Variants in SBK1 observed in about 807,000 individuals in gnomAD.
SBK1 encodes the protein SH3 domain binding kinase 1, also known as serine/threonine-protein kinase SBK1.
SBK1 carries 11 observed loss-of-function variants against 24.4 expected under a neutral mutation model. The observed-to-expected ratio is 0.45, with a 90% CI of 0.28 to 0.75. The LOEUF is 0.75. Ranked by LOEUF, SBK1 falls within the 30% of genes least tolerant of loss-of-function variation. The pLI is 0.12. For missense variants in SBK1, 467 were observed against 620.5 expected, an observed-to-expected ratio of 0.75 and a Z score of 2.63; for synonymous variants, 308 against 284.4, an observed-to-expected ratio of 1.08 and a Z score of -0.83.
chr16:28,259,426 G>T lies in SBK1; in HGVS notation c.181G>T (p.Asp61Tyr). The stretch of plus-strand genomic sequence containing the variant: ...CTGGCCCATGGGCTGCGGAGTCGAT[G>T]ATGTGCCGGCCTTCTGCTTCGTCTG... The change falls in exon 1 of 4, where the codon GAT (aspartate) becomes TAT (tyrosine). Residue 61 changes from aspartate to tyrosine, a missense_variant. Coordinates refer to the SBK1 transcript ENST00000671413. The surrounding 1 kb of genome is among the most constrained non-coding windows in gnomAD (Gnocchi z 6.0). The T allele has an allele frequency of 1.0e-6, 1 of 986,060 alleles. No homozygotes were observed. The highest frequency in any genetic ancestry group is 1.2e-6 in the Non-Finnish European group (1 of 830,408). 61.1% of individuals were successfully genotyped at this position (986,060 alleles called of 1,614,324 possible). A position where few individuals can be genotyped will look rare whatever the true frequency, so the allele number is the denominator to read the frequency against.
At position 28,317,764 on chromosome 16, in the gene SBK1, G is replaced by A; in HGVS notation, c.226+147G>A. ...GGCAGGGTCAGGGGCCAGATGTAGA[G>A]GATGAGGCCTGAGGCAGCCCAGGGG... is the stretch of plus-strand genomic sequence containing the variant. On this transcript the variant is annotated intron_variant, in intron 2 of 3. Transcript: ENST00000341901. The surrounding 1 kb of genome is among the most constrained non-coding windows in gnomAD (Gnocchi z 4.2). 3.0e-6 allele frequency: 2 copies of A among 663,796 alleles called. No individual in the cohort carries two copies. The highest frequency in any genetic ancestry group is 5.4e-6 in the Non-Finnish European group (2 of 367,724). 41.1% of individuals were successfully genotyped at this position (663,796 alleles called of 1,614,324 possible).
chr16:28,308,771 GTGTGTGTGTT>G (rs1567678518), intron 1 of SBK1, among the ~76,000 whole-genome samples: 1 of 149,728 alleles, frequency 6.7e-6, no homozygotes, highest in Admixed American at 6.7e-5. Flanking sequence ...GTGTGTGTGT[GTGTGTGTGTT>G]TGTTTTGTTT....
rs1339198447 is a variant in SBK1 at position 28,293,102 on chromosome 16, C to A, written c.-206C>A. The A allele has an allele frequency of 1.0e-6, 1 of 985,748 alleles. No homozygotes were observed. The highest frequency in any genetic ancestry group is 1.2e-6 in the Non-Finnish European group (1 of 830,104). 61.1% of individuals were successfully genotyped at this position (985,748 alleles called of 1,614,324 possible). Reference sequence around the variant, plus strand: ...AATCCCAAATCTAGGCAGCCGGGGACAGCAAGAGACACTCTCACCAGCAAG... The same window carrying A: ...AATCCCAAATCTAGGCAGCCGGGGAAAGCAAGAGACACTCTCACCAGCAAG... On this transcript the variant is annotated 5_prime_UTR_variant, in exon 1 of 4. Coordinates refer to ENST00000341901, the MANE Select transcript of SBK1 (RefSeq NM_001024401.3).
At chr16:28,265,591 A>G (rs2044423268) in intron 1 of SBK1, among the ~76,000 whole-genome samples, 1 of 152,118 alleles carries the variant, frequency 6.6e-6, no homozygotes, top group Non-Finnish European at 1.5e-5. Context: ...TAAAAAATAT[A>G]AAAATTAAAA....
intron 1 of SBK1, among the ~76,000 whole-genome samples, chr16:28,304,836 C>G (rs935813372): frequency 3.9e-5 from 6 of 152,044 alleles, no homozygotes; most frequent in Non-Finnish European, 5.9e-5. Context: ...TCTCGATCTC[C>G]TGACCTCGTG....
rs566370562 is a variant in SBK1, at chr16:28,320,645, C to A, written c.999C>A (p.Pro333=). The A allele has an allele frequency of 1.8e-5, 21 of 1,160,360 alleles. No individual in the cohort carries two copies. The highest frequency in any genetic ancestry group is 2.2e-5 in the Non-Finnish European group (21 of 942,168). 71.9% of individuals were successfully genotyped at this position (1,160,360 alleles called of 1,614,324 possible). ...RRPSHRARKP[P]GDRPPAAGPL... is the part of the protein sequence containing the mutation. ...CCTCGCACCGCGCGCGCAAGCCCCC[C>A]GGGGACCGCCCGCCCGCCGCCGGGC... Residue 333 remains proline (P), a synonymous_variant, in exon 4 of 4, where the codon CCC becomes CCA. Coordinates refer to ENST00000341901, the MANE Select transcript of SBK1 (RefSeq NM_001024401.3). The surrounding 1 kb of genome is among the most constrained non-coding windows in gnomAD (Gnocchi z 8.5).
At chr16:28,301,464 C>T (rs889257010) in intron 1 of SBK1, among the ~76,000 whole-genome samples, 7 of 152,208 alleles carry the variant, frequency 4.6e-5, no homozygotes, top group Non-Finnish European at 7.4e-5. Context: ...TTCACAGCCC[C>T]GGGAACCCCA....
At chr16:28,281,276 G>C (rs1027062855) in intron 1 of SBK1, among the ~76,000 whole-genome samples, 2 of 152,152 alleles carry the variant, frequency 1.3e-5, no homozygotes, top group Admixed American at 1.3e-4. Context: ...TGCAGGCCCA[G>C]CTCCTCCCAG....
At chr16:28,311,199 CT>C (rs1241289469) in intron 1 of SBK1, among the ~76,000 whole-genome samples, 1 of 152,106 alleles carries the variant, frequency 6.6e-6, no homozygotes, top group Non-Finnish European at 1.5e-5. Flanking sequence ...CTGGGGAGCT[CT>C]TGGTTTGTTG....
At chr16:28,266,746 TTTA>T (rs1222613792) in intron 1 of SBK1, among the ~76,000 whole-genome samples, 5 of 146,900 alleles carry the variant, frequency 3.4e-5, no homozygotes, top group African/African-American at 1.3e-4. Context: ...TTTTTTTTTT[TTTA>T]AAAAAAAAAC....
At chr16:28,260,443 C>CT (rs1437284945) in intron 1 of SBK1, among the ~76,000 whole-genome samples, 1 of 152,240 alleles carries the variant, frequency 6.6e-6, no homozygotes, top group African/African-American at 2.4e-5. Context: ...GCCTCCATCA[C>CT]TGTCTGAGTC....
At chr16:28,262,098 G>C (rs2044401352) in intron 1 of SBK1, among the ~76,000 whole-genome samples, 1 of 152,224 alleles carries the variant, frequency 6.6e-6, no homozygotes, top group African/African-American at 2.4e-5. Flanking sequence ...CAGGCTGCAG[G>C]AGCCAGTGCT....
chr16:28,304,476 G>C (rs2044701729), intron 1 of SBK1, among the ~76,000 whole-genome samples: 1 of 152,092 alleles, frequency 6.6e-6, no homozygotes, highest in South Asian at 2.1e-4. Flanking sequence ...AGTGACTTTG[G>C]GCAAGTTGCT....
At chr16:28,260,772 A>G (rs928035465) in intron 1 of SBK1, among the ~76,000 whole-genome samples, 1 of 152,164 alleles carries the variant, frequency 6.6e-6, no homozygotes, top group Non-Finnish European at 1.5e-5. Context: ...GCTAGGAGAG[A>G]CAAAAGAGAA....
intron 1 of SBK1, among the ~76,000 whole-genome samples, chr16:28,295,496 G>C (rs1402403690): frequency 1.3e-5 from 2 of 152,130 alleles, no homozygotes; most frequent in African/African-American, 4.8e-5. Flanking sequence ...AGGTAGTGGC[G>C]TGTGTCTACA....
At chr16:28,290,075 G>T (rs2141573609), upstream of SBK1, among the ~76,000 whole-genome samples, 1 of 146,596 alleles carries the variant, frequency 6.8e-6, no homozygotes, top group East Asian at 2.0e-4. Context: ...GACAAAGTGA[G>T]ACCCTGTCTC....
In SBK1 at chr16:28,292,610, G is replaced by T. The variant is rs986800801; in HGVS notation, c.-698G>T. ...AGCGCGAGCTGGAGCCGCAGCCGGA[G>T]CCCGGGCCAGGCCGGGGGCCGGGAG... On this transcript the variant is annotated 5_prime_UTR_variant, in exon 1 of 4. Transcript: ENST00000341901. The T allele has an allele frequency of 1.0e-6, 1 of 981,626 alleles. No individual in the cohort carries two copies. Among genetic ancestry groups the T allele is most frequent in the East Asian group, 1.2e-4 (1 of 8,658 alleles). The allele number at this position is 981,626 out of a possible 1,614,324, so 60.8% of individuals were successfully genotyped here.
chr16:28,303,487 T>TTTTTC (rs1311633685), intron 1 of SBK1, among the ~76,000 whole-genome samples: 7 of 150,564 alleles, frequency 4.6e-5, no homozygotes, highest in African/African-American at 7.3e-5. Flanking sequence ...TTCTTTTTTC[T>TTTTTC]TTTTCTTTTC....
rs1351522953 is a variant in SBK1 at position 28,320,984 on chromosome 16, C to T, written c.*63C>T. 4.6e-6 allele frequency: 6 copies of T among 1,307,974 alleles called. No homozygotes were observed. Among genetic ancestry groups the T allele is most frequent in the Admixed American group, 4.2e-5 (1 of 23,894 alleles). The allele number at this position is 1,307,974 out of a possible 1,614,324, so 81.0% of individuals were successfully genotyped here. Reference sequence around the variant, plus strand: ...GCCCGCCCCGAGCCGGTGCCCGGTGCGGCGGTAGGGAATGGAGCCACCTCG... The same window carrying T: ...GCCCGCCCCGAGCCGGTGCCCGGTGTGGCGGTAGGGAATGGAGCCACCTCG... On this transcript the variant is annotated 3_prime_UTR_variant, in exon 4 of 4. Transcript: ENST00000341901. The surrounding 1 kb of genome is among the most constrained non-coding windows in gnomAD (Gnocchi z 8.5).
Sources: gnomAD v4.1 joint callset for allele counts (sites outside exome capture counted in the v4.1 genomes callset) on GRCh38, gnomAD v4.1.1 for gene constraint, Gnocchi (gnomAD v3.1) non-coding constraint, MANE v1.5 for transcripts, NCBI Gene and HGNC (gene_info 2026-07-23, HGNC 2026-07-21) for gene names.